The following VWA3A variants were observed in gnomAD, a reference collection of about 807,000 sequenced individuals.
VWA3A encodes the protein von Willebrand factor A domain-containing protein 3A.
In VWA3A, 134 loss-of-function variants were observed where a neutral mutation model predicts 160.4. The ratio of observed to expected loss-of-function variants is 0.84; its 90% CI spans 0.73 to 0.96. The LOEUF is 0.96. Among genes scored for constraint, VWA3A ranks in the 40% least tolerant of loss-of-function variants. VWA3A has a pLI of 0.00. For missense variants in VWA3A, 1,310 were observed against 1,447.9 expected, an observed-to-expected ratio of 0.90 and a Z score of 1.55; for synonymous variants, 476 against 543.4, an observed-to-expected ratio of 0.88 and a Z score of 1.72.
At chr16:22,145,246 G>A (rs950034835) in intron 26 of VWA3A, among the ~76,000 whole-genome samples, 1 of 152,064 alleles carries the variant, frequency 6.6e-6, no homozygotes, top group African/African-American at 2.4e-5. Flanking sequence ...AGGAATATAG[G>A]GTCATTCTAG....
At chr16:22,144,127 G>A in intron 25 of VWA3A, 120 bp from the exon 26 acceptor site, 1 of 1,253,198 alleles carries the variant, frequency 8.0e-7, no homozygotes, top group Non-Finnish European at 1.1e-6. Context: ...TGAGGACCTG[G>A]GAATCCCACA....
At position 22,148,965 on chromosome 16, in the gene VWA3A, C is replaced by A. The variant is rs527997556; in HGVS notation, c.2984+659C>A. ...AGTGGAGGAAGTTGTTTATTTTCCC[C>A]ATCCAGAAGGGTTGACCCGAAGGGG... On this transcript the variant is annotated intron_variant, in intron 28 of 33. Transcript: ENST00000389398. Among the ~76,000 whole-genome samples the A allele has an allele frequency of 2.6e-5, 4 of 152,140 alleles. No homozygotes were observed. The South Asian group carries it at 8.3e-4, about 32-fold the overall frequency.
Position 22,138,476 on chromosome 16 carries a change from C to A in VWA3A, c.2256C>A (p.Cys752Ter). Residue 752 changes from cysteine (C) to a stop codon, truncating the protein, a stop_gained, in exon 22 of 34, where the codon TGC becomes TGA. Transcript: ENST00000389398. LOFTEE classifies it high-confidence loss of function. ...TAAGAAGTCAGCCCAAGAAGCTCTG[C>A]CCTCCCAGGCCCACCGTCCCCCTGG... is the stretch of plus-strand genomic sequence containing the variant. The part of the protein sequence containing the change: ...LQLRSQPKKL[C>*]PPRPTVPLGA... The A allele has an allele frequency of 6.2e-7, 1 of 1,613,382 alleles. No individual in the cohort carries two copies. The highest frequency in any genetic ancestry group is 8.5e-7 in the Non-Finnish European group (1 of 1,179,726).
At chr16:22,094,237 G>A (rs2045281017) in intron 1 of VWA3A, among the ~76,000 whole-genome samples, 1 of 152,114 alleles carries the variant, frequency 6.6e-6, no homozygotes, top group Non-Finnish European at 1.5e-5. Flanking sequence ...ACACTATGGG[G>A]CGGCCAGTGT....
At chr16:22,138,675 T>C in intron 22 of VWA3A, 163 bp downstream of exon 22, 1 of 934,072 alleles carries the variant, frequency 1.1e-6, no homozygotes, top group Non-Finnish European at 1.5e-6. Context: ...GGGGAAAATC[T>C]CCCGCGGGGG....
chr16:22,138,376 C>T lies in VWA3A; in HGVS notation c.2156C>T (p.Ala719Val). The T allele has an allele frequency of 2.5e-6, 4 of 1,597,804 alleles. No individual in the cohort carries two copies. Among genetic ancestry groups the T allele is most frequent in the Non-Finnish European group, 3.4e-6 (4 of 1,172,460 alleles). The change falls in exon 22 of 34, where the codon GCC becomes GTC. Residue 719 changes from alanine to valine, a missense_variant. Ala to Val is a moderately conservative substitution (Grantham distance 64). Transcript: ENST00000389398. ...CCACTGCAGTGTGCCTTCCTCATGG[C>T]CTCCCTGAAGAACCATTCAGGAAAA... is the stretch of plus-strand genomic sequence containing the variant. ...NYSQKCAFLM[A>V]SLKNHSGKVL...
At chr16:22,138,598 C>A in intron 22 of VWA3A, 86 bp downstream of exon 22, 1 of 1,545,134 alleles carries the variant, frequency 6.5e-7, no homozygotes, top group Non-Finnish European at 8.7e-7. Flanking sequence ...TGGCTGGGGC[C>A]AGCAGGGATG....
chr16:22,113,363 C>CTTTTTTTTTTTTTTTTTTTTT lies in VWA3A; in HGVS notation c.690-1971_690-1951dup, dbSNP rs569069206. 8.2e-4 allele frequency among the ~76,000 whole-genome samples: 38 copies of CTTTTTTTTTTTTTTTTTTTTT among 46,264 alleles called. 8 individuals carry two copies. Among genetic ancestry groups the CTTTTTTTTTTTTTTTTTTTTT allele is most frequent in the East Asian group, 5.0e-3 (4 of 794 alleles). The allele number at this position is 46,264 out of a possible 152,430, so 30.4% of individuals were successfully genotyped here. A position where few individuals can be genotyped will look rare whatever the true frequency, so the allele number is the denominator to read the frequency against. ...TGCTCCACAATGCCTGGCTAATTTT[C>CTTTTTTTTTTTTTTTTTTTTT]TTTTTTTTTTTTTTTTTTTTTTTTT... On this transcript the variant is annotated intron_variant, in intron 8 of 33. Coordinates refer to ENST00000389398, the MANE Select transcript of VWA3A (RefSeq NM_173615.5).
chr16:22,133,852 G>A (rs781354176), intron 20 of VWA3A, among the ~76,000 whole-genome samples: 4 of 152,030 alleles, frequency 2.6e-5, no homozygotes, highest in Non-Finnish European at 5.9e-5. Flanking sequence ...ATATAATTTA[G>A]AATGTCATAG....
At chr16:22,118,762 A>C (rs1315287136) in intron 11 of VWA3A, 140 bp from the exon 12 acceptor site, 3 of 1,086,340 alleles carry the variant, frequency 2.8e-6, no homozygotes, top group African/African-American at 1.6e-5. Flanking sequence ...TGTCTGGCAC[A>C]TGGGTCCCAG....
In VWA3A at chr16:22,128,097, C is replaced by T. The variant is rs116760265; in HGVS notation, c.1652+1800C>T. On this transcript the variant is annotated intron_variant, in intron 17 of 33. Transcript: ENST00000389398. ...GAACCTTAGGGACCATCAGGTAGTTCAGCATGGATATGGGGCTGAGAGGGA... is the reference window on the plus strand; with the variant it reads ...GAACCTTAGGGACCATCAGGTAGTTTAGCATGGATATGGGGCTGAGAGGGA... Among the ~76,000 whole-genome samples, 143 of 152,188 alleles carry T rather than the reference C, an allele frequency of 9.4e-4. 1 individual carries two copies. Among genetic ancestry groups the T allele is most frequent in the African/African-American group, 3.3e-3 (136 of 41,516 alleles).
intron 29 of VWA3A, 22 bp downstream of exon 29, chr16:22,149,953 G>T: frequency 6.3e-7 from 1 of 1,586,130 alleles, no homozygotes; most frequent in South Asian, 1.1e-5. Context: ...CACGGAGCCC[G>T]ACCTTGACGC....
At chr16:22,132,804 A>G (rs1228487283) in intron 19 of VWA3A, 96 bp from the exon 20 acceptor site, 11 of 1,195,192 alleles carry the variant, frequency 9.2e-6, no homozygotes, top group Non-Finnish European at 1.3e-5. Context: ...GGCACAGAGA[A>G]GGCCCTGGAG....
intron 5 of VWA3A, among the ~76,000 whole-genome samples, chr16:22,102,679 A>G (rs1172134425): frequency 6.6e-6 from 1 of 152,234 alleles, no homozygotes; most frequent in Non-Finnish European, 1.5e-5. Context: ...TCCAGTAGAA[A>G]CGATTGCTTA....
rs1189738151 is a variant in VWA3A, at chr16:22,109,491, C to T, written c.493C>T (p.Leu165Phe). The change falls in exon 7 of 34, where the codon CTC becomes TTC. Residue 165 changes from leucine (L) to phenylalanine (F), a missense_variant. Coordinates refer to ENST00000389398, the MANE Select transcript of VWA3A (RefSeq NM_173615.5). ...CCCTCTTTGGTTTTAGGCATTTGGC[C>T]TCATCAAAGGGGCCAGAGTCAGCAT... ...LTENSKKAFG[L>F]IKGARVSILI... 4.4e-6 allele frequency: 7 copies of T among 1,601,926 alleles called. No individual in the cohort carries two copies. The highest frequency in any genetic ancestry group is 2.7e-5 in the African/African-American group (2 of 74,602).
intron 17 of VWA3A, 87 bp downstream of exon 17, chr16:22,126,384 C>T (rs146599411): frequency 3.3e-5 from 50 of 1,523,738 alleles, no homozygotes; most frequent in South Asian, 6.3e-5. Context: ...CGTTGCTGGA[C>T]GATAGATATT....
intron 9 of VWA3A, chr16:22,116,425 AAGAG>A (rs550961822): frequency 3.3e-4 from 146 of 445,220 alleles, no homozygotes; most frequent in Middle Eastern, 1.3e-3. Context: ...GGAAAAAGGA[AAGAG>A]AGAGGAAGAG....
rs752089260 is a variant in VWA3A, at chr16:22,152,527, C to G, written c.3298C>G (p.Leu1100Val). ...TCCTTCCAGAGCGGCGGTTGAGTTC[C>G]TGAGAAAGCTGGCTTCCTTCACCGG... ...NCSDRAAVEF[L>V]RKLASFTGGR... The change falls in exon 31 of 34, where the codon CTG (leucine) becomes GTG (valine). Residue 1100 changes from leucine (L) to valine (V), a missense_variant. Coordinates refer to ENST00000389398, the MANE Select transcript of VWA3A (RefSeq NM_173615.5). The G allele has an allele frequency of 6.2e-7, 1 of 1,612,456 alleles. No individual in the cohort carries two copies. Among genetic ancestry groups the G allele is most frequent in the African/African-American group, 1.3e-5 (1 of 74,880 alleles).
At chr16:22,103,112 C>A (rs1003719287) in intron 5 of VWA3A, among the ~76,000 whole-genome samples, 30 of 152,228 alleles carry the variant, frequency 2.0e-4, no homozygotes, top group African/African-American at 7.0e-4. Flanking sequence ...TAACTCCATG[C>A]AGCCTTGAAC....
Sources: gnomAD v4.1 joint callset for allele counts (sites outside exome capture counted in the v4.1 genomes callset) on GRCh38, gnomAD v4.1.1 for gene constraint, MANE v1.5 for transcripts, NCBI Gene and HGNC (gene_info 2026-07-23, HGNC 2026-07-21) for gene names.